The following MYH10 variants were observed in gnomAD, a reference collection of about 807,000 sequenced individuals.
MYH10 encodes myosin-10.
A neutral mutation model predicts 257.8 loss-of-function variants in MYH10; 55 were observed. The observed-to-expected ratio is 0.21, with a 90% confidence interval of 0.17 to 0.27. MYH10 has a LOEUF of 0.27. Among genes scored for constraint, MYH10 ranks in the 10% least tolerant of loss-of-function variants. The pLI, the probability that MYH10 is intolerant of heterozygous loss-of-function variation, is 1.00. For synonymous variants in MYH10, 854 were observed against 921.7 expected, an observed-to-expected ratio of 0.93 and a Z score of 1.33; for missense variants, 1,631 against 2,500.6, an observed-to-expected ratio of 0.65 and a Z score of 7.42.
At chr17:8,613,171 G>A (rs931951865) in intron 2 of MYH10, among the ~76,000 whole-genome samples, 1 of 152,010 alleles carries the variant, frequency 6.6e-6, no homozygotes, top group Non-Finnish European at 1.5e-5. Flanking sequence ...GGCAGAACCC[G>A]ATGCAATGGC....
intron 28 of MYH10, among the ~76,000 whole-genome samples, chr17:8,502,387 G>A (rs2080922643): frequency 6.6e-6 from 1 of 152,074 alleles, no homozygotes; most frequent in Non-Finnish European, 1.5e-5. Flanking sequence ...TGCTGGTCTG[G>A]TCCTGTCCTC....
chr17:8,529,352 A>AAT (rs2081951111), intron 17 of MYH10, among the ~76,000 whole-genome samples: 1 of 152,202 alleles, frequency 6.6e-6, no homozygotes, highest in Non-Finnish European at 1.5e-5. Flanking sequence ...CACAGCCTGA[A>AAT]ATTCTCTTAT....
At chr17:8,598,501 CTTTT>C (rs977223506) in intron 3 of MYH10, among the ~76,000 whole-genome samples, 1 of 151,878 alleles carries the variant, frequency 6.6e-6, no homozygotes, top group African/African-American at 2.4e-5. Context: ...TTTTAAGTAC[CTTTT>C]TTATTATGAA....
At chr17:8,596,714 A>T (rs1319477954) in intron 3 of MYH10, among the ~76,000 whole-genome samples, 1 of 150,808 alleles carries the variant, frequency 6.6e-6, no homozygotes. Context: ...TACCCTCACA[A>T]GATCACTCAG....
intron 7 of MYH10, among the ~76,000 whole-genome samples, chr17:8,558,989 A>G (rs555698788): frequency 6.6e-6 from 1 of 152,352 alleles, no homozygotes; most frequent in East Asian, 1.9e-4. Context: ...TTTAGCAAAG[A>G]GATGAAATAA....
At chr17:8,598,361 T>C (rs188529403) in intron 3 of MYH10, among the ~76,000 whole-genome samples, 126 of 152,340 alleles carry the variant, frequency 8.3e-4, no homozygotes, top group African/African-American at 2.9e-3. Flanking sequence ...TGCCAAACAT[T>C]TGTCTAGTCT....
In MYH10 at chr17:8,481,378, G is replaced by T; in HGVS notation, c.5208C>A (p.His1736Gln). 6.2e-7 allele frequency: 1 copy of T among 1,614,106 alleles called. No homozygotes were observed. The change falls in exon 38 of 43, where the codon CAC becomes CAA. Residue 1736 changes from histidine to glutamine, a missense_variant. By Grantham distance (24) the His-to-Gln change is conservative. This residue lies in a region of MYH10 where 343 missense variants were observed against 389.5 expected (regional missense o/e 0.88). Coordinates refer to ENST00000360416, the MANE Select transcript of MYH10 (RefSeq NM_001256012.3). ...ELASSERARR[H>Q]AEQERDELAD... ...CCAGCTCATCTCTCTCCTGCTCGGC[G>T]TGTCGGCGGGCTCGCTCAGATGAGG...
At chr17:8,482,419 C>T (rs962789995) in intron 37 of MYH10, among the ~76,000 whole-genome samples, 1 of 152,184 alleles carries the variant, frequency 6.6e-6, no homozygotes, top group Non-Finnish European at 1.5e-5. Context: ...GCACACAGGG[C>T]AGGGTGGGAG....
intron 25 of MYH10, among the ~76,000 whole-genome samples, chr17:8,509,449 G>A (rs932550400): frequency 4.6e-5 from 7 of 152,206 alleles, no homozygotes; most frequent in Admixed American, 4.6e-4. Context: ...AGGCTTACAC[G>A]TCTTGGTGCC....
chr17:8,482,525 GTCT>G (rs1914009256), intron 37 of MYH10, among the ~76,000 whole-genome samples: 1 of 152,208 alleles, frequency 6.6e-6, no homozygotes, highest in Non-Finnish European at 1.5e-5. Context: ...CTGGTGTTTT[GTCT>G]TCTTGGGCCT....
At chr17:8,571,829 C>G (rs563575048) in intron 6 of MYH10, among the ~76,000 whole-genome samples, 1 of 152,090 alleles carries the variant, frequency 6.6e-6, no homozygotes, top group Non-Finnish European at 1.5e-5. Flanking sequence ...TCCACCCCCC[C>G]GGGGTCAGCA....
intron 16 of MYH10, among the ~76,000 whole-genome samples, chr17:8,531,271 C>A (rs761516261): frequency 6.6e-5 from 10 of 151,808 alleles, no homozygotes; most frequent in African/African-American, 9.7e-5. Context: ...GAATTATAAG[C>A]GAGATTATAC....
chr17:8,529,074 C>T (rs1037231654), intron 17 of MYH10, among the ~76,000 whole-genome samples: 1 of 152,224 alleles, frequency 6.6e-6, no homozygotes. Flanking sequence ...AAGAGAGGCT[C>T]TGGGCTGGAT....
chr17:8,622,826 T>C, intron 2 of MYH10, 76 bp downstream of exon 2: 1 of 1,478,786 alleles, frequency 6.8e-7, no homozygotes, highest in Non-Finnish European at 9.2e-7. Flanking sequence ...ACATTCTCAT[T>C]TGATTATGAC....
At chr17:8,508,497 TA>T in intron 26 of MYH10, 56 bp downstream of exon 26, 2 of 1,606,674 alleles carry the variant, frequency 1.2e-6, no homozygotes, top group Non-Finnish European at 1.7e-6. Context: ...CTGATTACAG[TA>T]AAAGCTAAAC....
At chr17:8,574,912 C>G (rs774951586) in intron 6 of MYH10, among the ~76,000 whole-genome samples, 1 of 152,172 alleles carries the variant, frequency 6.6e-6, no homozygotes, top group South Asian at 2.1e-4. Context: ...CCATTCCGTA[C>G]GGTGCTGTTA....
At chr17:8,508,396 C>A (rs564070063) in intron 26 of MYH10, among the ~76,000 whole-genome samples, 158 bp downstream of exon 26, 1 of 152,242 alleles carries the variant, frequency 6.6e-6, no homozygotes, top group South Asian at 2.1e-4. Context: ...AGACACCGTG[C>A]CCAGCCAAGG....
chr17:8,610,436 A>C (rs1042770118), intron 2 of MYH10, among the ~76,000 whole-genome samples: 1 of 151,670 alleles, frequency 6.6e-6, no homozygotes, highest in Non-Finnish European at 1.5e-5. Flanking sequence ...GAAGCAAAAA[A>C]AAATAAAAAA....
At position 8,623,086 on chromosome 17, in the gene MYH10, C is replaced by T. The variant is rs142113205; in HGVS notation, c.161G>A (p.Arg54Gln). 9.6e-5 allele frequency: 155 copies of T among 1,613,984 alleles called. No individual in the cohort carries two copies. Among genetic ancestry groups the T allele is most frequent in the Non-Finnish European group, 1.2e-4 (144 of 1,180,038 alleles). ...GFEAASIKEE[R>Q]GDEVMVELAE... ...CAACTCCACCATAACTTCATCTCCC[C>T]GTTCTTCTTTGATACTAGCTGCCTC... Residue 54 changes from arginine to glutamine, a missense_variant, in exon 2 of 43, where the codon CGG (arginine) becomes CAG (glutamine). Arg to Gln is a conservative substitution (Grantham distance 43). This residue lies in a region of MYH10 where 360 missense variants were observed against 581.9 expected (regional missense o/e 0.62). Coordinates refer to ENST00000360416, the MANE Select transcript of MYH10 (RefSeq NM_001256012.3).
Sources: allele counts gnomAD v4.1 joint callset (sites outside exome capture counted in the v4.1 genomes callset), GRCh38; gene constraint gnomAD v4.1.1; regional missense constraint gnomAD v4.1.1; transcripts MANE v1.5; gene names NCBI Gene and HGNC (gene_info 2026-07-23, HGNC 2026-07-21).